The following SYN2 variants were observed in gnomAD, a reference collection of about 807,000 sequenced individuals.
The protein encoded by SYN2 is synapsin-2.
SYN2 carries 19 observed loss-of-function variants against 50.9 expected under a neutral mutation model. The ratio of observed to expected loss-of-function variants is 0.37; its 90% CI spans 0.26 to 0.55. The LOEUF is 0.55. Among genes scored for constraint, SYN2 ranks in the 20% least tolerant of loss-of-function variants. SYN2 has a pLI of 0.81. For synonymous variants in SYN2, 255 were observed against 224.9 expected, an observed-to-expected ratio of 1.13 and a Z score of -1.20; for missense variants, 587 against 576.4, an observed-to-expected ratio of 1.02 and a Z score of -0.19.
intron 1 of SYN2, among the ~76,000 whole-genome samples, chr3:12,069,887 G>A (rs1423330099): frequency 2.0e-5 from 3 of 150,938 alleles, no homozygotes; most frequent in Non-Finnish European, 4.4e-5. Context: ...GCTCAGTACA[G>A]TCTCAACCTC....
chr3:12,184,832 C>A, intron 11 of SYN2: 1 of 985,804 alleles, frequency 1.0e-6, no homozygotes, highest in Non-Finnish European at 1.2e-6. Context: ...CAAGCAGCCG[C>A]CTCTAACAAA....
chr3:12,158,718 G>C, intron 5 of SYN2: 2 of 1,610,310 alleles, frequency 1.2e-6, no homozygotes, highest in Non-Finnish European at 8.5e-7. Context: ...CCGAGTGGCA[G>C]ATGTGCTGCT....
At chr3:12,101,803 T>C (rs1174762673) in intron 1 of SYN2, among the ~76,000 whole-genome samples, 1 of 152,134 alleles carries the variant, frequency 6.6e-6, no homozygotes. Context: ...GGAGGTGTTA[T>C]TGGGACAGTA....
chr3:12,161,934 G>A, intron 6 of SYN2, 78 bp from the exon 7 acceptor site: 1 of 1,574,654 alleles, frequency 6.4e-7, no homozygotes, highest in Non-Finnish European at 8.6e-7. Context: ...GGGTTTGGAG[G>A]CTCAGGGCCC....
chr3:12,057,015 G>T (rs1034387926), intron 1 of SYN2, among the ~76,000 whole-genome samples: 1 of 152,174 alleles, frequency 6.6e-6, no homozygotes, highest in Non-Finnish European at 1.5e-5. Context: ...TCTGGGCCAG[G>T]TGTGGTGGCT....
At chr3:12,014,695 GT>G (rs1481293945) in intron 1 of SYN2, among the ~76,000 whole-genome samples, 2 of 152,266 alleles carry the variant, frequency 1.3e-5, no homozygotes, top group African/African-American at 4.8e-5. Context: ...CACCCAAGCT[GT>G]GTGTTTCTTT....
chr3:12,026,448 A>G (rs1185593365), intron 1 of SYN2, among the ~76,000 whole-genome samples: 1 of 152,148 alleles, frequency 6.6e-6, no homozygotes, highest in Non-Finnish European at 1.5e-5. Flanking sequence ...CCCTCTGATC[A>G]CTATGAGAAA....
chr3:12,050,339 GATT>G (rs1694827901), intron 1 of SYN2, among the ~76,000 whole-genome samples: 2 of 107,780 alleles, frequency 1.9e-5, no homozygotes, highest in Admixed American at 1.2e-4. Context: ...AGTTTGGAAT[GATT>G]TTTTTTTTTT....
At chr3:12,168,578 T>C in intron 9 of SYN2, 100 bp downstream of exon 9, 1 of 1,021,326 alleles carries the variant, frequency 9.8e-7, no homozygotes, top group Non-Finnish European at 1.5e-6. Context: ...ACCATGGAAA[T>C]GTTCCAGCAA....
intron 1 of SYN2, among the ~76,000 whole-genome samples, chr3:12,039,281 A>G (rs78761661): frequency 0.011 from 1,645 of 152,118 alleles, 8 homozygotes; most frequent in Non-Finnish European, 0.017. Flanking sequence ...TCCTTTATCT[A>G]TTGCTAGGTT....
At chr3:12,159,766 G>A (rs767919556) in intron 5 of SYN2, among the ~76,000 whole-genome samples, 7 of 152,252 alleles carry the variant, frequency 4.6e-5, no homozygotes, top group Middle Eastern at 6.8e-3. Context: ...AAGCAGGCTG[G>A]GCGTGGTGGC....
chr3:12,139,369 G>T (rs1475603708), intron 1 of SYN2, among the ~76,000 whole-genome samples: 1 of 152,148 alleles, frequency 6.6e-6, no homozygotes, highest in African/African-American at 2.4e-5. Flanking sequence ...CACACACAGG[G>T]CAAGTCCGTT....
intron 1 of SYN2, among the ~76,000 whole-genome samples, chr3:12,106,887 A>G (rs1696204102): frequency 6.6e-6 from 1 of 152,132 alleles, no homozygotes; most frequent in Non-Finnish European, 1.5e-5. Flanking sequence ...AGCTGCTTTA[A>G]AAGTGGAATT....
At chr3:12,140,514 A>G in intron 1 of SYN2, 137 bp from the exon 2 acceptor site, 1 of 688,594 alleles carries the variant, frequency 1.5e-6, no homozygotes, top group South Asian at 1.6e-5. Flanking sequence ...CTCATAGCAG[A>G]ATGTGGATCA....
chr3:12,179,794 T>A (rs1353937639), intron 10 of SYN2, among the ~76,000 whole-genome samples: 2 of 152,206 alleles, frequency 1.3e-5, no homozygotes. Flanking sequence ...CTCATGAGGC[T>A]TGATCAGCCA....
chr3:12,177,969 C>T (rs993963323), intron 10 of SYN2, among the ~76,000 whole-genome samples: 2 of 152,208 alleles, frequency 1.3e-5, no homozygotes, highest in Non-Finnish European at 2.9e-5. Flanking sequence ...CATCCCTGGG[C>T]ACCTTTTAGA....
chr3:12,064,321 CAGA>C (rs1205510356), intron 1 of SYN2, among the ~76,000 whole-genome samples: 7 of 151,772 alleles, frequency 4.6e-5, no homozygotes, highest in Non-Finnish European at 7.4e-5. Flanking sequence ...GATCCTGGAC[CAGA>C]AGATGTCATT....
chr3:12,116,458 T>C (rs1696435365), intron 1 of SYN2, among the ~76,000 whole-genome samples: 1 of 152,178 alleles, frequency 6.6e-6, no homozygotes, highest in African/African-American at 2.4e-5. Context: ...GTCAATGATC[T>C]GGTGGCAAAC....
intron 10 of SYN2, among the ~76,000 whole-genome samples, chr3:12,181,592 A>T (rs1282377149): frequency 3.3e-5 from 5 of 152,246 alleles, no homozygotes; most frequent in Non-Finnish European, 7.3e-5. Context: ...TAGTGCATCC[A>T]TGTTACTTGG....
Sources: allele counts gnomAD v4.1 joint callset (sites outside exome capture counted in the v4.1 genomes callset), GRCh38; gene constraint gnomAD v4.1.1; transcripts MANE v1.5; gene names NCBI Gene and HGNC (gene_info 2026-07-23, HGNC 2026-07-21).